DAB1: variants seen among roughly 807,000 people sequenced by gnomAD.
DAB1 encodes DAB adaptor protein 1.
DAB1 carries 15 observed loss-of-function variants against 64.6 expected under a neutral mutation model. That is an observed-to-expected ratio of 0.23 (90% CI 0.16 to 0.36). The LOEUF (loss-of-function observed/expected upper bound fraction) is 0.36, where lower values mean the gene tolerates loss of function less well. Ranked by LOEUF, DAB1 falls within the 10% of genes least tolerant of loss-of-function variation. DAB1 has a pLI of 1.00. For missense variants in DAB1, 596 were observed against 706.7 expected, an observed-to-expected ratio of 0.84 and a Z score of 1.78; for synonymous variants, 235 against 251.9, an observed-to-expected ratio of 0.93 and a Z score of 0.64.
At chr1:57,068,680 T>G (rs139582696) in intron 8 of DAB1, among the ~76,000 whole-genome samples, 87 of 152,324 alleles carry the variant, frequency 5.7e-4, no homozygotes, top group African/African-American at 1.9e-3. Flanking sequence ...CACAGACACT[T>G]TGGTGGAAGA....
Position 57,837,241 on chromosome 1 carries a change from C to A in DAB1, n.88-10786G>T, listed in dbSNP as rs187610770. The stretch of plus-strand genomic sequence containing the variant: ...AATCTGATTGTGACACTTTCCTATT[C>A]TTAAAACCATTCAGCGGGTGCTAAG... On this transcript the variant is annotated intron_variant and non_coding_transcript_variant, in intron 1 of 1. Coordinates refer to the DAB1 transcript ENST00000477280. 6.6e-5 allele frequency among the ~76,000 whole-genome samples: 10 copies of A among 152,320 alleles called. No individual in the cohort carries two copies. In the East Asian group the frequency reaches 1.7e-3, roughly 26 times the overall value.
At chr1:57,242,834 A>G (rs1286558410) in intron 2 of DAB1, among the ~76,000 whole-genome samples, 1 of 152,222 alleles carries the variant, frequency 6.6e-6, no homozygotes, top group Admixed American at 6.5e-5. Flanking sequence ...TAAGCATTTC[A>G]AAACATATTT....
At chr1:57,700,046 G>A (rs1433026884) in intron 6 of DAB1, among the ~76,000 whole-genome samples, 1 of 152,032 alleles carries the variant, frequency 6.6e-6, no homozygotes, top group African/African-American at 2.4e-5. Context: ...TTTCTAACTT[G>A]CTGACAGCAT....
At chr1:58,272,504 G>T (rs1661329699) in intron 4 of DAB1, among the ~76,000 whole-genome samples, 1 of 117,236 alleles carries the variant, frequency 8.5e-6, no homozygotes, top group Non-Finnish European at 1.8e-5. Flanking sequence ...ATATTCTGTT[G>T]ATTTGGGGTG....
At chr1:57,571,167 C>T (rs1437389469) in intron 7 of DAB1, among the ~76,000 whole-genome samples, 1 of 152,132 alleles carries the variant, frequency 6.6e-6, no homozygotes, top group Non-Finnish European at 1.5e-5. Flanking sequence ...AGTTTGACTT[C>T]CTCTTTACTG....
In DAB1 at chr1:57,010,058, T is replaced by G. The variant is rs764850243; in HGVS notation, c.*15+622A>C. Among the ~76,000 whole-genome samples, 28 of 152,290 alleles carry G rather than the reference T, an allele frequency of 1.8e-4. 1 individual carries two copies. The highest frequency in any genetic ancestry group is 1.0e-4 in the Non-Finnish European group (7 of 68,026). On this transcript the variant is annotated intron_variant, in intron 14 of 14. Coordinates refer to ENST00000371236, the MANE Select transcript of DAB1 (RefSeq NM_001365792.1). ...GCTAGACGAAAAGGGCTTCCTCTGA[T>G]CTTACATCTCGATCAATCTTATTTC...
At chr1:58,005,239 C>T (rs1297508505) in intron 5 of DAB1, among the ~76,000 whole-genome samples, 3 of 152,124 alleles carry the variant, frequency 2.0e-5, no homozygotes, top group Non-Finnish European at 2.9e-5. Context: ...TGCCCATGTG[C>T]TTTTAACCTG....
At chr1:57,674,671 CACTTCCTGTA>C (rs2101688308) in intron 6 of DAB1, among the ~76,000 whole-genome samples, 1 of 152,258 alleles carries the variant, frequency 6.6e-6, no homozygotes, top group South Asian at 2.1e-4. Context: ...CTAATAAGGC[CACTTCCTGTA>C]ACTGCTCCTC....
chr1:57,491,535 A>G (rs1035705730), intron 7 of DAB1, among the ~76,000 whole-genome samples: 2 of 152,236 alleles, frequency 1.3e-5, no homozygotes, highest in African/African-American at 2.4e-5. Flanking sequence ...AACGTGCCCA[A>G]TACAATGGTT....
chr1:58,366,677 G>A lies in DAB1; in HGVS notation n.258-23274C>T, dbSNP rs115800977. ...AGAGCTGGAGCTCCCGATTCTCCAA[G>A]GAGCAACTTTTTTGCCAGGAGATGC... On this transcript the variant is annotated intron_variant and non_coding_transcript_variant, in intron 3 of 20. Transcript: ENST00000485760. Among the ~76,000 whole-genome samples the A allele has an allele frequency of 6.9e-3, 1,048 of 152,280 alleles. 11 individuals are homozygous for A. The highest frequency in any genetic ancestry group is 0.024 in the African/African-American group (1,003 of 41,572).
intron 6 of DAB1, among the ~76,000 whole-genome samples, chr1:57,695,479 G>A (rs1249693264): frequency 1.3e-5 from 2 of 152,146 alleles, no homozygotes; most frequent in African/African-American, 4.8e-5. Flanking sequence ...TGTATAACTG[G>A]TATGACTGTA....
At chr1:57,288,519 C>T (rs1672514088) in intron 2 of DAB1, among the ~76,000 whole-genome samples, 1 of 152,118 alleles carries the variant, frequency 6.6e-6, no homozygotes. Context: ...TCTTCCTCTA[C>T]CACGTGAGGA....
intron 5 of DAB1, among the ~76,000 whole-genome samples, chr1:58,127,674 A>G (rs1231016336): frequency 6.6e-6 from 1 of 152,226 alleles, no homozygotes; most frequent in Non-Finnish European, 1.5e-5. Context: ...AGCTTTCTAC[A>G]TATGGCTAGC....
intron 4 of DAB1, among the ~76,000 whole-genome samples, chr1:58,287,575 G>A (rs1009591289): frequency 6.0e-5 from 9 of 150,674 alleles, no homozygotes; most frequent in Non-Finnish European, 8.9e-5. Context: ...GGATAGGGGG[G>A]CTTTGCTCAG....
intron 4 of DAB1, among the ~76,000 whole-genome samples, chr1:57,094,272 G>A (rs570011): frequency 0.52 from 79,600 of 151,944 alleles, 21,290 homozygotes; most frequent in South Asian, 0.64. Context: ...CACATAGCAG[G>A]GCAGCTTTGG....
intron 7 of DAB1, among the ~76,000 whole-genome samples, chr1:57,614,622 T>C (rs1199694618): frequency 6.6e-6 from 1 of 152,168 alleles, no homozygotes; most frequent in Non-Finnish European, 1.5e-5. Flanking sequence ...TATGAGATGA[T>C]TGTGACAGTG....
At chr1:57,393,157 T>C (rs150120767) in intron 1 of DAB1, among the ~76,000 whole-genome samples, 1 of 152,178 alleles carries the variant, frequency 6.6e-6, no homozygotes, top group African/African-American at 2.4e-5. Context: ...GCAAGCTAAT[T>C]CTTTGGCCTT....
At chr1:57,112,501 T>C (rs1655759004) in intron 4 of DAB1, among the ~76,000 whole-genome samples, 2 of 152,128 alleles carry the variant, frequency 1.3e-5, no homozygotes, top group South Asian at 2.1e-4. Context: ...TAACTATGAA[T>C]GAAGCTGCCA....
chr1:57,036,937 T>C (rs1404203720), intron 9 of DAB1, among the ~76,000 whole-genome samples: 1 of 152,148 alleles, frequency 6.6e-6, no homozygotes, highest in Non-Finnish European at 1.5e-5. Context: ...AAAATGACAG[T>C]GGATAAGGGA....
Sources: allele counts gnomAD v4.1 joint callset (sites outside exome capture counted in the v4.1 genomes callset), GRCh38; gene constraint gnomAD v4.1.1; transcripts MANE v1.5; gene names NCBI Gene and HGNC (gene_info 2026-07-23, HGNC 2026-07-21).